SALL2: variants seen among roughly 807,000 people sequenced by gnomAD.
The protein encoded by SALL2 is sal-like protein 2.
Under a neutral mutation model 58.5 loss-of-function variants are expected in SALL2, and 32 were observed. That is an observed-to-expected ratio of 0.55 (90% CI 0.41 to 0.74). SALL2 has a LOEUF of 0.74. Among genes scored for constraint, SALL2 ranks in the 30% least tolerant of loss-of-function variants. SALL2 has a pLI of 0.00. For missense variants in SALL2, 1,201 were observed against 1,268.9 expected, an observed-to-expected ratio of 0.95 and a Z score of 0.81; for synonymous variants, 516 against 513.6, an observed-to-expected ratio of 1.00 and a Z score of -0.06.
rs767289738 is a variant in SALL2, at chr14:21,524,602, G to A, written c.1120C>T (p.Arg374Cys). The A allele has an allele frequency of 2.9e-5, 47 of 1,614,088 alleles. No homozygotes were observed. Among genetic ancestry groups the A allele is most frequent in the South Asian group, 2.1e-4 (19 of 91,090 alleles). The change falls in exon 2 of 2, where the codon CGC becomes TGC. Residue 374 changes from arginine to cysteine, a missense_variant. By Grantham distance (180) the Arg-to-Cys change is radical. This residue lies in a region of SALL2 where 59 missense variants were observed against 116.2 expected (regional missense o/e 0.51). Transcript: ENST00000537235. The part of the protein sequence containing the change: ...LEKPGGRHKC[R>C]FCAKVFGSDS... ...CTGCCAAATACTTTGGCACAGAAGC[G>A]GCATTTGTGCCTTCCACCAGGCTTC...
chr14:21,526,267 G>C lies in SALL2; in HGVS notation c.-140C>G. The C allele has an allele frequency of 6.9e-7, 1 of 1,443,730 alleles. No individual in the cohort carries two copies. The highest frequency in any genetic ancestry group is 2.7e-5 in the Admixed American group (1 of 37,520). The allele number at this position is 1,443,730 out of a possible 1,614,324, so 89.4% of individuals were successfully genotyped here. On this transcript the variant is annotated 5_prime_UTR_variant, in exon 1 of 2. Transcript: ENST00000537235. ...GAGATGGAGATCGGCAGCGGCGGGG[G>C]CAGGGAGCAGCGGCGGAGGGGGAGG...
In SALL2 at chr14:21,535,875, T is replaced by G. The variant is rs1049756359; in HGVS notation, c.-114+1087A>C. On this transcript the variant is annotated intron_variant, in intron 1 of 1. Transcript: ENST00000541965. ...TGATCCTAAGAATTACCTGGACAAT[T>G]GCAAAATATATAGATTCCCACACCC... Among the ~76,000 whole-genome samples the G allele has an allele frequency of 5.3e-5, 8 of 152,214 alleles. 1 individual carries two copies. Among genetic ancestry groups the G allele is most frequent in the Admixed American group, 5.2e-4 (8 of 15,276 alleles).
In SALL2 at chr14:21,524,211, G is replaced by T. The variant is rs1294731658; in HGVS notation, c.1511C>A (p.Pro504His). 1 of 1,612,042 alleles carries T rather than the reference G, an allele frequency of 6.2e-7. No homozygotes were observed. The highest frequency in any genetic ancestry group is 1.3e-5 in the African/African-American group (1 of 74,882). The stretch of plus-strand genomic sequence containing the variant: ...CATGAGCACAAACTTATTGAAAGCA[G>T]GGAGTCCTGGAGCCGTGGCTGTGCC... ...SAGTATAPGL[P>H]AFNKFVLMKA... Residue 504 changes from proline (P) to histidine (H), a missense_variant, in exon 2 of 2, where the codon CCT becomes CAT. This residue lies in a region of SALL2 where 675 missense variants were observed against 683.8 expected (regional missense o/e 0.99). Transcript: ENST00000537235.
rs777350462 is a variant in SALL2 at position 21,532,972 on chromosome 14, A to AAAAT, written c.-114+3986_-114+3989dup. ...AGCGAGACTCCGTCTCAAAATAATA[A>AAAAT]AAATAAATAAATAAATAAATAAAAT... On this transcript the variant is annotated intron_variant, in intron 1 of 1. Coordinates refer to the SALL2 transcript ENST00000541965. Among the ~76,000 whole-genome samples, 43 of 151,776 alleles carry AAAAT rather than the reference A, an allele frequency of 2.8e-4. 1 individual carries two copies. The highest frequency in any genetic ancestry group is 1.9e-3 in the South Asian group (9 of 4,820).
Position 21,526,223 on chromosome 14 carries a change from C to T in SALL2, c.-96G>A. ...CGCTGGGTCTGCGGCAGCCTCTGCA[C>T]CCAGCGGCCCAGACTGCGGAGATGG... On this transcript the variant is annotated 5_prime_UTR_variant, in exon 1 of 2. It adds an upstream start codon to the 5' untranslated region. Coordinates refer to ENST00000537235, the MANE Select transcript of SALL2 (RefSeq NM_001364564.1). The T allele has an allele frequency of 1.3e-6, 2 of 1,497,058 alleles. No homozygotes were observed. The highest frequency in any genetic ancestry group is 1.8e-6 in the Non-Finnish European group (2 of 1,124,910). The allele number at this position is 1,497,058 out of a possible 1,614,324, so 92.7% of individuals were successfully genotyped here.
rs1212860160 is a variant in SALL2 at position 21,521,460 on chromosome 14, G to A, written c.*1244C>T. ...ACAAGGGGCCAGGGAATAAAGGAGG[G>A]AGTTATCTAAAACTAGAAGCATACT... On this transcript the variant is annotated 3_prime_UTR_variant, in exon 2 of 2. Transcript: ENST00000537235. The A allele has an allele frequency of 6.6e-6, 1 of 152,560 alleles. No individual in the cohort carries two copies. Among genetic ancestry groups the A allele is most frequent in the Non-Finnish European group, 1.5e-5 (1 of 68,372 alleles). 9.5% of individuals were successfully genotyped at this position (152,560 alleles called of 1,614,324 possible).
At chr14:21,531,877 G>A (rs1892475298) in intron 1 of SALL2, among the ~76,000 whole-genome samples, 1 of 151,944 alleles carries the variant, frequency 6.6e-6, no homozygotes. Flanking sequence ...TTACAGGTGT[G>A]CGCCATCACA....
In SALL2 at chr14:21,524,942, A is replaced by AGAG. The variant is rs745827860; in HGVS notation, c.777_779dup (p.Ser263dup). ...TGGGCGTTTCTGCCCCTGAAGAGGA[A>AGAG]GAGGAGGAGGAGGAGGAAGATGCCA... On this transcript the variant is annotated inframe_insertion, in exon 2 of 2. Coordinates refer to ENST00000537235, the MANE Select transcript of SALL2 (RefSeq NM_001364564.1). The AGAG allele has an allele frequency of 2.7e-5, 44 of 1,613,886 alleles. No individual in the cohort carries two copies. Among genetic ancestry groups the AGAG allele is most frequent in the African/African-American group, 1.2e-4 (9 of 74,924 alleles).
chr14:21,524,933 TGAAGAG>T lies in SALL2; in HGVS notation c.783_788del (p.Ser262_Ser263del), dbSNP rs749074626. 1.7e-5 allele frequency: 27 copies of T among 1,614,084 alleles called. No individual in the cohort carries two copies. In the Admixed American group the frequency reaches 3.5e-4, roughly 21 times the overall value. ...AGGCCTGCTTGGGCGTTTCTGCCCCTGAAGAGGAAGAGGAGGAGGAGGAGGAAGATG... is the reference window on the plus strand; with the variant it reads ...AGGCCTGCTTGGGCGTTTCTGCCCCTGAAGAGGAGGAGGAGGAGGAAGATG... On this transcript the variant is annotated inframe_deletion, in exon 2 of 2. Transcript: ENST00000537235.
intron 1 of SALL2, among the ~76,000 whole-genome samples, chr14:21,532,342 G>A (rs1052069786): frequency 2.0e-5 from 3 of 152,122 alleles, no homozygotes; most frequent in Admixed American, 6.6e-5. Flanking sequence ...ATTGTTTAAC[G>A]GTTACAGTTT....
In SALL2 at chr14:21,525,798, C is replaced by T; in HGVS notation, c.68-144G>A. 1.1e-6 allele frequency: 1 copy of T among 928,356 alleles called. No homozygotes were observed. The highest frequency in any genetic ancestry group is 1.5e-6 in the Non-Finnish European group (1 of 645,754). 57.5% of individuals were successfully genotyped at this position (928,356 alleles called of 1,614,324 possible). ...CAGGGCCATGCAGAAGTCTAGAGCT[C>T]AGGCCTGATCCGTGTGGACAGGAGA... On this transcript the variant is annotated intron_variant, in intron 1 of 1. Transcript: ENST00000537235. This position sits in a 1 kb window ranked among gnomAD's most constrained non-coding sequence, Gnocchi z 4.4.
At chr14:21,531,710 C>CT (rs35182575) in intron 1 of SALL2, among the ~76,000 whole-genome samples, 4,558 of 129,364 alleles carry the variant, frequency 0.035, 293 homozygotes, top group African/African-American at 0.12. Flanking sequence ...CCTGGCCAGC[C>CT]TTTTTTTTTT....
Position 21,535,320 on chromosome 14 carries a change from G to C in SALL2, c.-114+1642C>G, listed in dbSNP as rs573105953. 2.7e-5 allele frequency among the ~76,000 whole-genome samples: 4 copies of C among 150,824 alleles called. No homozygotes were observed. The South Asian group carries it at 8.4e-4, about 32-fold the overall frequency. ...AGATTGCACCACTGCACTCCAACCT[G>C]GGCGACAGAGCGAGACTCTCTCTCA... is the stretch of plus-strand genomic sequence containing the variant. On this transcript the variant is annotated intron_variant, in intron 1 of 1. Coordinates refer to the SALL2 transcript ENST00000541965.
At chr14:21,534,543 G>C (rs966042754) in intron 1 of SALL2, among the ~76,000 whole-genome samples, 2 of 152,064 alleles carry the variant, frequency 1.3e-5, no homozygotes, top group Non-Finnish European at 2.9e-5. Flanking sequence ...AGCCGCTAAA[G>C]ATAGCTTTTG....
chr14:21,525,067 C>T lies in SALL2; in HGVS notation c.655G>A (p.Ala219Thr), dbSNP rs1199867173. Residue 219 changes from alanine (A) to threonine (T), a missense_variant, in exon 2 of 2, where the codon GCC becomes ACC. Physicochemically the swap from Ala to Thr is moderately conservative, Grantham distance 58. Transcript: ENST00000537235. The surrounding 1 kb of genome is among the most constrained non-coding windows in gnomAD (Gnocchi z 4.4). Reference protein sequence around the residue: ...GSLGQTVGAPASPSELPGTGT... With the variant: ...GSLGQTVGAPTSPSELPGTGT... ...GTCCCAGGTAGCTCTGAGGGACTGG[C>T]AGGGGCACCCACCGTCTGGCCTAAG... The T allele has an allele frequency of 1.2e-6, 2 of 1,613,996 alleles. No homozygotes were observed. The highest frequency in any genetic ancestry group is 1.7e-6 in the Non-Finnish European group (2 of 1,179,952).
upstream of SALL2, among the ~76,000 whole-genome samples, chr14:21,528,333 T>C (rs111675140): frequency 2.8e-3 from 427 of 152,284 alleles, 2 homozygotes; most frequent in African/African-American, 9.7e-3. Context: ...TGAGGTAAGA[T>C]ATTGGCTAAT....
In SALL2 at chr14:21,521,709, G is replaced by A; in HGVS notation, c.*995C>T. On this transcript the variant is annotated 3_prime_UTR_variant, in exon 2 of 2. Coordinates refer to ENST00000537235, the MANE Select transcript of SALL2 (RefSeq NM_001364564.1). ...TTCATCAACCATGCTGACCAAAAATGCTCCTTAAAGATACGAACTTCACAT... is the reference window on the plus strand; with the variant it reads ...TTCATCAACCATGCTGACCAAAAATACTCCTTAAAGATACGAACTTCACAT... The A allele has an allele frequency of 3.1e-6, 1 of 318,232 alleles. No homozygotes were observed. Among genetic ancestry groups the A allele is most frequent in the Non-Finnish European group, 5.9e-6 (1 of 169,360 alleles). The allele number at this position is 318,232 out of a possible 1,614,324, so 19.7% of individuals were successfully genotyped here.
chr14:21,526,688 C>G (rs550088765), upstream of SALL2, among the ~76,000 whole-genome samples: 1 of 152,132 alleles, frequency 6.6e-6, no homozygotes, highest in Admixed American at 6.5e-5. Context: ...ATAAAGGATC[C>G]GCTGAGCTTG....
Position 21,523,418 on chromosome 14 carries a change from ATCCTCCTCT to A in SALL2, c.2295_2303del (p.Glu765_Glu767del), listed in dbSNP as rs765775838. 4.2e-5 allele frequency: 67 copies of A among 1,613,268 alleles called. No homozygotes were observed. The highest frequency in any genetic ancestry group is 5.5e-5 in the Non-Finnish European group (65 of 1,179,908). On this transcript the variant is annotated inframe_deletion, in exon 2 of 2. Transcript: ENST00000537235. This position sits in a 1 kb window ranked among gnomAD's most constrained non-coding sequence, Gnocchi z 4.4. ...CAGTCACATCTTCCTCTTCTTCCTC[ATCCTCCTCT>A]TCCTCCTCCTCAGACAACTCCTCTT...
Sources: gnomAD v4.1 joint callset for allele counts (sites outside exome capture counted in the v4.1 genomes callset) on GRCh38, gnomAD v4.1.1 for gene constraint, gnomAD v4.1.1 regional missense constraint, Gnocchi (gnomAD v3.1) non-coding constraint, MANE v1.5 for transcripts, NCBI Gene and HGNC (gene_info 2026-07-23, HGNC 2026-07-21) for gene names.